FBXL2: variants seen among roughly 807,000 people sequenced by gnomAD.
FBXL2 encodes the protein F-box and leucine rich repeat protein 2.
FBXL2 carries 38 observed loss-of-function variants against 69.2 expected under a neutral mutation model. The ratio of observed to expected loss-of-function variants is 0.55; its 90% CI spans 0.42 to 0.72. The LOEUF (loss-of-function observed/expected upper bound fraction) is 0.72, where lower values mean the gene tolerates loss of function less well. Among genes scored for constraint, FBXL2 ranks in the 30% least tolerant of loss-of-function variants. FBXL2 has a pLI of 0.00. For synonymous variants in FBXL2, 192 were observed against 201.3 expected, an observed-to-expected ratio of 0.95 and a Z score of 0.39; for missense variants, 354 against 520.3, an observed-to-expected ratio of 0.68 and a Z score of 3.11.
At chr3:33,285,624 C>A (rs921696658) in intron 1 of FBXL2, among the ~76,000 whole-genome samples, 2 of 152,182 alleles carry the variant, frequency 1.3e-5, no homozygotes, top group Non-Finnish European at 2.9e-5. Flanking sequence ...TGGATAATAT[C>A]CTGTAGAGTG....
chr3:33,396,517 C>T, intron 12 of FBXL2: 5 of 494,856 alleles, frequency 1.0e-5, no homozygotes, highest in African/African-American at 1.9e-5. Flanking sequence ...CTGTCAGATG[C>T]TGGTAAATTT....
chr3:33,280,170 G>T (rs773605750), intron 1 of FBXL2, among the ~76,000 whole-genome samples: 3 of 152,134 alleles, frequency 2.0e-5, no homozygotes, highest in Non-Finnish European at 4.4e-5. Flanking sequence ...AAGTTGAAAT[G>T]AGAAGGAATT....
At chr3:33,280,414 G>A (rs762494894) in intron 1 of FBXL2, among the ~76,000 whole-genome samples, 6 of 152,006 alleles carry the variant, frequency 3.9e-5, no homozygotes, top group African/African-American at 7.2e-5. Flanking sequence ...CAATTGTTAC[G>A]AAAAGACTTC....
intron 2 of FBXL2, among the ~76,000 whole-genome samples, chr3:33,342,319 T>A (rs537056123): frequency 6.6e-6 from 1 of 151,570 alleles, no homozygotes; most frequent in South Asian, 2.1e-4. Context: ...CAGTTTTCTT[T>A]ATATCCATTA....
chr3:33,410,572 C>G, the FBXL2 span, among the ~76,000 whole-genome samples: 4 of 152,298 alleles, frequency 2.6e-5, no homozygotes, highest in Admixed American at 1.3e-4. Context: ...CTTATGAAGG[C>G]TGGTCAGCAA....
intron 1 of FBXL2, among the ~76,000 whole-genome samples, chr3:33,282,180 G>T (rs1184224966): frequency 1.3e-5 from 2 of 152,118 alleles, no homozygotes; most frequent in African/African-American, 4.8e-5. Flanking sequence ...ATGGTTTTAG[G>T]TCTTACATTT....
intron 2 of FBXL2, among the ~76,000 whole-genome samples, chr3:33,342,376 A>G (rs1264121349): frequency 6.6e-6 from 1 of 151,366 alleles, no homozygotes; most frequent in African/African-American, 2.4e-5. Flanking sequence ...AAAAATTTAA[A>G]GCTTATGAAT....
chr3:33,324,520 T>C (rs893893459), intron 2 of FBXL2, among the ~76,000 whole-genome samples: 1 of 152,230 alleles, frequency 6.6e-6, no homozygotes, highest in Non-Finnish European at 1.5e-5. Flanking sequence ...TTTCTGCATA[T>C]GGCTAGCCAG....
At chr3:33,362,105 T>C (rs2041666387) in intron 4 of FBXL2, among the ~76,000 whole-genome samples, 1 of 152,080 alleles carries the variant, frequency 6.6e-6, no homozygotes, top group Non-Finnish European at 1.5e-5. Context: ...TCTTGAACGG[T>C]GGGTTGCATG....
At chr3:33,348,360 C>G (rs1390733132) in intron 2 of FBXL2, among the ~76,000 whole-genome samples, 3 of 151,800 alleles carry the variant, frequency 2.0e-5, no homozygotes, top group Non-Finnish European at 4.4e-5. Context: ...CTCTATTGTT[C>G]CATATGTGTC....
intron 12 of FBXL2, among the ~76,000 whole-genome samples, chr3:33,394,711 T>A (rs1324923495): frequency 6.6e-6 from 1 of 151,896 alleles, no homozygotes; most frequent in African/African-American, 2.4e-5. Flanking sequence ...GAATTTTCCA[T>A]TACATAAAAG....
chr3:33,420,919 C>T, the FBXL2 span, among the ~76,000 whole-genome samples: 1 of 152,162 alleles, frequency 6.6e-6, no homozygotes, highest in Non-Finnish European at 1.5e-5. Context: ...AATTAACATT[C>T]TTAGCAGCGT....
intron 4 of FBXL2, chr3:33,364,321 G>A (rs1398915090): frequency 2.8e-6 from 1 of 353,840 alleles, no homozygotes; most frequent in Non-Finnish European, 5.2e-6. Flanking sequence ...ACCTGGGTAG[G>A]GAGGGCCTAA....
At chr3:33,392,569 C>T, downstream of FBXL2, 2 of 1,611,366 alleles carry the variant, frequency 1.2e-6, no homozygotes, top group South Asian at 1.1e-5. Context: ...GTACCTTTTA[C>T]TGTGGAGAAT....
chr3:33,345,306 A>G (rs1367895250), intron 2 of FBXL2, among the ~76,000 whole-genome samples: 3 of 152,132 alleles, frequency 2.0e-5, no homozygotes, highest in African/African-American at 7.2e-5. Context: ...CGTTTGCACA[A>G]CCCTTTTTCC....
intron 13 of FBXL2, among the ~76,000 whole-genome samples, chr3:33,380,193 C>T (rs938655619): frequency 6.7e-6 from 1 of 149,818 alleles, no homozygotes; most frequent in African/African-American, 2.5e-5. Flanking sequence ...CCACTGCACT[C>T]CAGTCTGGCG....
chr3:33,367,228 C>T (rs908098842), intron 5 of FBXL2, among the ~76,000 whole-genome samples: 1 of 152,030 alleles, frequency 6.6e-6, no homozygotes, highest in Non-Finnish European at 1.5e-5. Flanking sequence ...ATTACAGTCA[C>T]CCACCACCAT....
chr3:33,390,629 G>T (rs570875769), downstream of FBXL2: 17 of 528,860 alleles, frequency 3.2e-5, no homozygotes, highest in South Asian at 3.8e-4. Flanking sequence ...AGTTCTGGGG[G>T]TAGGGGGACA....
chr3:33,364,333 C>A (rs2154043170), intron 4 of FBXL2: 1 of 388,040 alleles, frequency 2.6e-6, no homozygotes, highest in African/African-American at 2.1e-5. Flanking sequence ...AGGGCCTAAC[C>A]CCAGGGCTAA....
Sources: allele counts gnomAD v4.1 joint callset (sites outside exome capture counted in the v4.1 genomes callset), GRCh38; gene constraint gnomAD v4.1.1; transcripts MANE v1.5; gene names NCBI Gene and HGNC (gene_info 2026-07-23, HGNC 2026-07-21).